IL21R: variants seen among roughly 807,000 people sequenced by gnomAD.
IL21R encodes the protein interleukin 21 receptor, also known as interleukin-21 receptor.
A neutral mutation model predicts 41.3 loss-of-function variants in IL21R; 14 were observed. The ratio of observed to expected loss-of-function variants is 0.34; its 90% CI spans 0.22 to 0.53. IL21R has a LOEUF of 0.53. Ranked by LOEUF, IL21R falls within the 20% of genes least tolerant of loss-of-function variation. The pLI, the probability that IL21R is intolerant of heterozygous loss-of-function variation, is 0.94. For missense variants in IL21R, 588 were observed against 681.6 expected (o/e 0.86, Z 1.53); for synonymous variants, 286 against 287.6 (o/e 0.99, Z 0.05).
intron 1 of IL21R, among the ~76,000 whole-genome samples, chr16:27,420,721 G>A (rs6498027): frequency 0.35 from 53,650 of 152,058 alleles, 9,871 homozygotes; most frequent in East Asian, 0.51. Flanking sequence ...TAACAAATAC[G>A]TGATTTGCAA....
intron 1 of IL21R, among the ~76,000 whole-genome samples, chr16:27,426,972 G>T (rs943034309): frequency 6.6e-6 from 1 of 152,148 alleles, no homozygotes; most frequent in Non-Finnish European, 1.5e-5. Flanking sequence ...ATGATGCCAT[G>T]GGGACTCCTG....
At chr16:27,403,258 G>A (rs1419450785) in intron 1 of IL21R, 3 of 1,323,604 alleles carry the variant, frequency 2.3e-6, no homozygotes, top group East Asian at 8.1e-5. Flanking sequence ...ATGTGGAGGA[G>A]AGGAGGGTGG....
intron 1 of IL21R, among the ~76,000 whole-genome samples, chr16:27,423,758 G>A (rs1237499049): frequency 1.3e-5 from 2 of 152,280 alleles, no homozygotes; most frequent in African/African-American, 4.8e-5. Flanking sequence ...CTCTCCTGAT[G>A]ATGGCTATTT....
In IL21R at chr16:27,440,248, T is replaced by TATAGAGAG. The variant is rs1352160946; in HGVS notation, c.352+2562_352+2563insTAGAGAGA. Among the ~76,000 whole-genome samples the TATAGAGAG allele has an allele frequency of 4.7e-3, 299 of 64,030 alleles. 1 individual carries two copies. Among genetic ancestry groups the TATAGAGAG allele is most frequent in the African/African-American group, 5.6e-3 (64 of 11,412 alleles). The allele number at this position is 64,030 out of a possible 152,430, so 42.0% of individuals were successfully genotyped here. ...ATATATATATATATATATATATATA[T>TATAGAGAG]AGAGAGAGAGAGAGAGAGAGAGAGA... On this transcript the variant is annotated intron_variant, in intron 4 of 8. Coordinates refer to ENST00000337929, the MANE Select transcript of IL21R (RefSeq NM_181078.3).
At chr16:27,409,102 CAG>C (rs2086789280) in intron 1 of IL21R, among the ~76,000 whole-genome samples, 1 of 151,554 alleles carries the variant, frequency 6.6e-6, no homozygotes, top group Non-Finnish European at 1.5e-5. Flanking sequence ...TGAGTAGAGA[CAG>C]AGAGTTTAGT....
intron 1 of IL21R, among the ~76,000 whole-genome samples, chr16:27,416,722 T>C (rs2086897320): frequency 1.3e-5 from 2 of 152,228 alleles, no homozygotes; most frequent in African/African-American, 4.8e-5. Flanking sequence ...ACTAACTCTA[T>C]ATTTTCATCA....
intron 3 of IL21R, 75 bp from the exon 4 acceptor site, chr16:27,437,413 G>C (rs2087289736): frequency 2.5e-6 from 3 of 1,220,624 alleles, no homozygotes; most frequent in Non-Finnish European, 2.4e-6. Flanking sequence ...TTCTGCCCTG[G>C]CCCTGAGCAC....
At chr16:27,428,500 G>T (rs962740883) in intron 1 of IL21R, among the ~76,000 whole-genome samples, 1 of 152,274 alleles carries the variant, frequency 6.6e-6, no homozygotes, top group East Asian at 1.9e-4. Context: ...CTTAGGTTTA[G>T]CTTTAGCTCC....
At chr16:27,437,761 C>G in intron 4 of IL21R, 74 bp downstream of exon 4, 6 of 1,198,160 alleles carry the variant, frequency 5.0e-6, no homozygotes, top group Non-Finnish European at 7.3e-6. Context: ...TCTCTGGGCT[C>G]AGGTGATCCT....
Position 27,451,687 on chromosome 16 carries a change from C to G in IL21R, c.*2404C>G, listed in dbSNP as rs148418113. Reference sequence around the variant, plus strand: ...TGAGCTGTGATTACACCGTTGCACTCCAGCCTGGGTCACAGATCAAGACCC... The same window carrying G: ...TGAGCTGTGATTACACCGTTGCACTGCAGCCTGGGTCACAGATCAAGACCC... On this transcript the variant is annotated 3_prime_UTR_variant, in exon 9 of 9. Transcript: ENST00000337929. 2.5e-4 allele frequency: 57 copies of G among 226,404 alleles called. 1 individual carries two copies. The highest frequency in any genetic ancestry group is 1.1e-3 in the African/African-American group (51 of 45,028). The allele number at this position is 226,404 out of a possible 1,614,324, so 14.0% of individuals were successfully genotyped here. A position where few individuals can be genotyped will look rare whatever the true frequency, so the allele number is the denominator to read the frequency against.
chr16:27,419,336 G>T (rs2086960867), intron 1 of IL21R, among the ~76,000 whole-genome samples: 1 of 152,316 alleles, frequency 6.6e-6, no homozygotes, highest in East Asian at 1.9e-4. Flanking sequence ...GTCTTCAGTG[G>T]CAAAAACACA....
chr16:27,430,399 GCTTCGTC>G (rs1168394446), intron 2 of IL21R, among the ~76,000 whole-genome samples: 2 of 152,220 alleles, frequency 1.3e-5, no homozygotes, highest in Admixed American at 1.3e-4. Context: ...GGGATGAAAG[GCTTCGTC>G]CTTCATTTCC....
At chr16:27,416,008 C>A (rs184079033) in intron 1 of IL21R, among the ~76,000 whole-genome samples, 1 of 152,160 alleles carries the variant, frequency 6.6e-6, no homozygotes, top group East Asian at 1.9e-4. Context: ...TGTACAAAGT[C>A]CTCTTTAACT....
At chr16:27,441,302 G>A (rs960416007) in intron 4 of IL21R, among the ~76,000 whole-genome samples, 1 of 152,208 alleles carries the variant, frequency 6.6e-6, no homozygotes, top group Non-Finnish European at 1.5e-5. Context: ...TTACAAGAGA[G>A]GAATTTAAGG....
intron 4 of IL21R, among the ~76,000 whole-genome samples, chr16:27,440,246 T>TAG (rs1163938129): frequency 0.049 from 3,866 of 78,266 alleles, 70 homozygotes; most frequent in Middle Eastern, 0.078. Context: ...TATATATATA[T>TAG]ATAGAGAGAG....
At chr16:27,432,779 C>G (rs891035500) in intron 2 of IL21R, among the ~76,000 whole-genome samples, 3 of 152,206 alleles carry the variant, frequency 2.0e-5, no homozygotes, top group African/African-American at 7.2e-5. Context: ...GCAAGATTTA[C>G]TTCCATGACT....
chr16:27,446,623 A>G (rs2087484283), intron 8 of IL21R, among the ~76,000 whole-genome samples: 1 of 152,072 alleles, frequency 6.6e-6, no homozygotes, highest in Non-Finnish European at 1.5e-5. Flanking sequence ...AAAGTAAACA[A>G]AATAATGCAG....
intron 1 of IL21R, among the ~76,000 whole-genome samples, chr16:27,423,047 C>A (rs1239760393): frequency 6.6e-6 from 1 of 152,160 alleles, no homozygotes; most frequent in Non-Finnish European, 1.5e-5. Flanking sequence ...CTTCCCTCAG[C>A]TTGTAAAACT....
At chr16:27,423,242 T>C (rs996454531) in intron 1 of IL21R, among the ~76,000 whole-genome samples, 2 of 152,074 alleles carry the variant, frequency 1.3e-5, no homozygotes, top group African/African-American at 4.8e-5. Flanking sequence ...TTTTTTTTTT[T>C]CTGCTTAGTA....
Sources: gnomAD v4.1 joint callset for allele counts (sites outside exome capture counted in the v4.1 genomes callset) on GRCh38, gnomAD v4.1.1 for gene constraint, MANE v1.5 for transcripts, NCBI Gene and HGNC (gene_info 2026-07-23, HGNC 2026-07-21) for gene names.